The following EGLN1 variants were observed in gnomAD, a reference collection of about 807,000 sequenced individuals.
EGLN1 encodes the protein egl nine homolog 1.
In EGLN1, 17 loss-of-function variants were observed where a neutral mutation model predicts 38.3. That is an observed-to-expected ratio of 0.44 (90% CI 0.30 to 0.67). EGLN1 has a LOEUF of 0.67. EGLN1 is among the 30% of genes least tolerant of loss of function. EGLN1 has a pLI of 0.08. For synonymous variants in EGLN1, 283 were observed against 257.5 expected (o/e 1.10, Z -0.95); for missense variants, 477 against 603.3 (o/e 0.79, Z 2.19).
At chr1:231,416,747 T>C (rs770691157) in intron 1 of EGLN1, among the ~76,000 whole-genome samples, 17 of 152,176 alleles carry the variant, frequency 1.1e-4, no homozygotes, top group Admixed American at 2.6e-4. Context: ...ATCAACTCAC[T>C]ACACAAAATG....
intron 4 of EGLN1, 23 bp from the exon 5 acceptor site, chr1:231,366,498 A>AG (rs547082101): frequency 0.049 from 63,622 of 1,301,192 alleles, 165 homozygotes; most frequent in Middle Eastern, 0.073. Context: ...AAAAAAAAAA[A>AG]TTTTCATTCA....
chr1:231,391,085 T>TGCCCCGGC (rs1558387067), intron 1 of EGLN1, among the ~76,000 whole-genome samples: 1 of 55,194 alleles, frequency 1.8e-5, no homozygotes, highest in Non-Finnish European at 4.0e-5. Context: ...CTCATTCTGT[T>TGCCCCGGC]TTTTTTTTGT....
chr1:231,380,704 G>C (rs2486741), intron 1 of EGLN1, among the ~76,000 whole-genome samples: 82,878 of 151,982 alleles, frequency 0.55, 24,207 homozygotes, highest in Non-Finnish European at 0.65. Context: ...TTGTATGAGT[G>C]CACACATCTT....
intron 1 of EGLN1, among the ~76,000 whole-genome samples, chr1:231,396,597 T>C (rs555879332): frequency 1.3e-5 from 2 of 152,210 alleles, no homozygotes; most frequent in East Asian, 3.9e-4. Context: ...TATAGACAAC[T>C]TTTCCTCTGG....
rs192405291 is a variant in EGLN1, at chr1:231,392,063, G to A, written c.892-17964C>T. Among the ~76,000 whole-genome samples, 34 of 152,222 alleles carry A rather than the reference G, an allele frequency of 2.2e-4. 1 individual carries two copies. The East Asian group carries it at 3.7e-3, about 16-fold the overall frequency. ...AGCGCTTTGGGAGGCCTAGGCGGGC[G>A]GATCACGAGGTCAGGAGATCAAGAC... On this transcript the variant is annotated intron_variant, in intron 1 of 4. Coordinates refer to ENST00000366641, the MANE Select transcript of EGLN1 (RefSeq NM_022051.3).
At position 231,421,564 on chromosome 1, in the gene EGLN1, T is replaced by C. The variant is rs891489163; in HGVS notation, c.325A>G (p.Lys109Glu). 20 of 1,309,000 alleles carry C rather than the reference T, an allele frequency of 1.5e-5. No homozygotes were observed. The African/African-American group carries it at 2.5e-4, about 16-fold the overall frequency. 81.1% of individuals were successfully genotyped at this position (1,309,000 alleles called of 1,614,324 possible). Residue 109 changes from lysine to glutamate, a missense_variant, in exon 1 of 5, where the codon AAG becomes GAG. Around this residue, in one of 4 missense-constraint regions of EGLN1, gnomAD observed 298 missense variants for 288.9 expected, o/e 1.03. Transcript: ENST00000366641. This position sits in a 1 kb window ranked among gnomAD's most constrained non-coding sequence, Gnocchi z 5.5. Reference sequence around the variant, plus strand: ...GGGGGCTTGGCCTTTACTTTTCCCTTGGCCGCGTCCCCGGAGGCGTTGTCC... The same window carrying C: ...GGGGGCTTGGCCTTTACTTTTCCCTCGGCCGCGTCCCCGGAGGCGTTGTCC... ...RRDNASGDAA[K>E]GKVKAKPPAD...
At chr1:231,415,552 G>A (rs974275307) in intron 1 of EGLN1, among the ~76,000 whole-genome samples, 2 of 152,092 alleles carry the variant, frequency 1.3e-5, no homozygotes, top group Non-Finnish European at 2.9e-5. Context: ...AATGAGACAG[G>A]GAAAGCACAG....
At chr1:231,373,023 CA>C in intron 2 of EGLN1, among the ~76,000 whole-genome samples, 1 of 152,140 alleles carries the variant, frequency 6.6e-6, no homozygotes, top group Non-Finnish European at 1.5e-5. Context: ...TTTAAAAAAT[CA>C]ACCAAAAAAT....
At chr1:231,397,492 T>G (rs1424892203) in intron 1 of EGLN1, among the ~76,000 whole-genome samples, 1 of 152,222 alleles carries the variant, frequency 6.6e-6, no homozygotes, top group East Asian at 1.9e-4. Flanking sequence ...AAATAAAATT[T>G]TACTGGAACA....
intron 1 of EGLN1, among the ~76,000 whole-genome samples, chr1:231,416,958 A>G (rs963150996): frequency 6.6e-6 from 1 of 152,246 alleles, no homozygotes; most frequent in Non-Finnish European, 1.5e-5. Context: ...CCAAGCATAC[A>G]AAGAGAATGG....
intron 1 of EGLN1, among the ~76,000 whole-genome samples, chr1:231,379,422 CT>C (rs1688029461): frequency 6.6e-6 from 1 of 152,146 alleles, no homozygotes; most frequent in Admixed American, 6.5e-5. Flanking sequence ...TGCCAAACTT[CT>C]AAATAAAGAC....
At chr1:231,405,175 T>C (rs1244825912) in intron 1 of EGLN1, among the ~76,000 whole-genome samples, 1 of 152,164 alleles carries the variant, frequency 6.6e-6, no homozygotes. Context: ...ATTTTATTTA[T>C]ATTTATTATT....
At position 231,366,623 on chromosome 1, in the gene EGLN1, A is replaced by C. The variant is rs988469314; in HGVS notation, c.1217-148T>G. 4.2e-5 allele frequency: 33 copies of C among 786,812 alleles called. No individual in the cohort carries two copies. In the African/African-American group the frequency reaches 5.4e-4, roughly 13 times the overall value. 48.7% of individuals were successfully genotyped at this position (786,812 alleles called of 1,614,324 possible). A position where few individuals can be genotyped will look rare whatever the true frequency, so the allele number is the denominator to read the frequency against. On this transcript the variant is annotated intron_variant, in intron 4 of 4. Transcript: ENST00000366641. The stretch of plus-strand genomic sequence containing the variant: ...GAACTATCACGCTTGTACTTCCAAA[A>C]ACTTCCCTCAGCATTCTATTGTGAT...
chr1:231,372,855 T>C (rs1467844911), intron 2 of EGLN1, among the ~76,000 whole-genome samples: 2 of 152,168 alleles, frequency 1.3e-5, no homozygotes, highest in South Asian at 2.1e-4. Flanking sequence ...GCAGTTTCCA[T>C]TTGTGTGTTT....
rs1199986789 is a variant in EGLN1 at position 231,422,087 on chromosome 1, G to T, written c.-199C>A. 3 of 443,826 alleles carry T rather than the reference G, an allele frequency of 6.8e-6. No individual in the cohort carries two copies. The highest frequency in any genetic ancestry group is 1.1e-5 in the Non-Finnish European group (3 of 266,332). 27.5% of individuals were successfully genotyped at this position (443,826 alleles called of 1,614,324 possible). On this transcript the variant is annotated 5_prime_UTR_variant, in exon 1 of 5. Transcript: ENST00000366641. ...TCCGAGTCCTAAGCTCCGGCGCAGC[G>T]CCGGCAGCCGCCTCAGCGCCTCATC...
Position 231,370,577 on chromosome 1 carries a change from G to C in EGLN1, c.1133C>G (p.Pro378Arg). ...SDRRNPHEVQPAYATRYAITV... is the reference protein window; with the variant it reads ...SDRRNPHEVQRAYATRYAITV... ...GGAATACTACCTTGTAGCATATGCTGGTTGTACTTCATGAGGGTTGCGACG... is the reference window on the plus strand; with the variant it reads ...GGAATACTACCTTGTAGCATATGCTCGTTGTACTTCATGAGGGTTGCGACG... The change falls in exon 3 of 5, where the codon CCA becomes CGA. Residue 378 changes from proline (P) to arginine (R), a missense_variant. By Grantham distance (103) the Pro-to-Arg change is moderately radical. Transcript: ENST00000366641. 6.2e-7 allele frequency: 1 copy of C among 1,613,836 alleles called. No homozygotes were observed. Among genetic ancestry groups the C allele is most frequent in the Non-Finnish European group, 8.5e-7 (1 of 1,180,014 alleles).
rs61835193 is a variant in EGLN1 at position 231,389,967 on chromosome 1, C to G, written c.892-15868G>C. The stretch of plus-strand genomic sequence containing the variant: ...CTCTGAAAACAAACAAACAAACAAA[C>G]AACAACAACAACAAAAGAACAGTGG... On this transcript the variant is annotated intron_variant, in intron 1 of 4. Coordinates refer to ENST00000366641, the MANE Select transcript of EGLN1 (RefSeq NM_022051.3). 2.0e-3 allele frequency among the ~76,000 whole-genome samples: 295 copies of G among 151,160 alleles called. 1 individual carries two copies. The highest frequency in any genetic ancestry group is 3.4e-3 in the Middle Eastern group (1 of 294).
rs1399415846 is a variant in EGLN1 at position 231,363,802 on chromosome 1, C to T, written c.*2609G>A. 1 of 152,180 alleles carries T rather than the reference C, an allele frequency of 6.6e-6. No individual in the cohort carries two copies. Among genetic ancestry groups the T allele is most frequent in the Non-Finnish European group, 1.5e-5 (1 of 68,032 alleles). The allele number at this position is 152,180 out of a possible 1,614,324, so 9.4% of individuals were successfully genotyped here. On this transcript the variant is annotated 3_prime_UTR_variant, in exon 5 of 5. Coordinates refer to ENST00000366641, the MANE Select transcript of EGLN1 (RefSeq NM_022051.3). ...TTTTTAATTAGATTAGCTTTACAAG[C>T]AACTTGAGAGCTCTTTCATAATGAA...
chr1:231,398,956 C>T lies in EGLN1; in HGVS notation c.891+22042G>A, dbSNP rs139120007. Among the ~76,000 whole-genome samples, 919 of 152,246 alleles carry T rather than the reference C, an allele frequency of 6.0e-3. 4 individuals are homozygous for T. The highest frequency in any genetic ancestry group is 0.01 in the Non-Finnish European group (694 of 68,008). On this transcript the variant is annotated intron_variant, in intron 1 of 4. Coordinates refer to ENST00000366641, the MANE Select transcript of EGLN1 (RefSeq NM_022051.3). ...GTAAAAATATGGAACACATGATAAACAGCAGGTTTCAGAAGGAAGATAATA... is the reference window on the plus strand; with the variant it reads ...GTAAAAATATGGAACACATGATAAATAGCAGGTTTCAGAAGGAAGATAATA...
Sources: allele counts gnomAD v4.1 joint callset (sites outside exome capture counted in the v4.1 genomes callset), GRCh38; gene constraint gnomAD v4.1.1; regional missense constraint gnomAD v4.1.1; non-coding constraint Gnocchi (gnomAD v3.1); transcripts MANE v1.5; gene names NCBI Gene and HGNC (gene_info 2026-07-23, HGNC 2026-07-21).